SANBR: variants seen among roughly 807,000 people sequenced by gnomAD.
The protein encoded by SANBR is SANT and BTB domain regulator of class switch recombination.
Under a neutral mutation model 101.8 loss-of-function variants are expected in SANBR, and 77 were observed. The observed-to-expected ratio is 0.76, with a 90% CI of 0.63 to 0.91. The LOEUF is 0.91. Among genes scored for constraint, SANBR ranks in the 40% least tolerant of loss-of-function variants. SANBR has a pLI of 0.00. For missense variants in SANBR, 875 were observed against 853.0 expected (o/e 1.03, Z -0.32); for synonymous variants, 279 against 274.7 (o/e 1.02, Z -0.15).
chr2:61,105,570 G>A (rs948312792), intron 13 of SANBR, among the ~76,000 whole-genome samples: 10 of 151,934 alleles, frequency 6.6e-5, no homozygotes, highest in Non-Finnish European at 1.2e-4. Flanking sequence ...GTTTCACCAT[G>A]TTGACTAGGT....
Position 61,115,959 on chromosome 2 carries a change from C to A in SANBR, c.1745-20C>A. The A allele has an allele frequency of 6.6e-7, 1 of 1,521,456 alleles. No individual in the cohort carries two copies. Among genetic ancestry groups the A allele is most frequent in the Non-Finnish European group, 9.0e-7 (1 of 1,106,946 alleles). 94.2% of individuals were successfully genotyped at this position (1,521,456 alleles called of 1,614,324 possible). ...AAGTATATGGGGCCTAAGTTTATAA[C>A]ATTGTCTTCTCATTATCAGGGAAAA... On this transcript the variant is annotated intron_variant, in intron 16 of 21. Transcript: ENST00000402291.
intron 17 of SANBR, among the ~76,000 whole-genome samples, chr2:61,116,531 T>G (rs1178039838): frequency 6.6e-6 from 1 of 152,100 alleles, no homozygotes; most frequent in Non-Finnish European, 1.5e-5. Flanking sequence ...TTTATGATAT[T>G]TAAAAATAAT....
At position 61,077,171 on chromosome 2, in the gene SANBR, C is replaced by T. The variant is rs760323057; in HGVS notation, c.670+13C>T. Reference sequence around the variant, plus strand: ...ATGCCCACTTTAGGTAAAAAACAATCTGTTGCTTAATTTGTAGTGAAATTT... The same window carrying T: ...ATGCCCACTTTAGGTAAAAAACAATTTGTTGCTTAATTTGTAGTGAAATTT... On this transcript the variant is annotated intron_variant, in intron 6 of 21. Coordinates refer to ENST00000402291, the MANE Select transcript of SANBR (RefSeq NM_001129993.3). 6.5e-7 allele frequency: 1 copy of T among 1,541,566 alleles called. No homozygotes were observed. The highest frequency in any genetic ancestry group is 1.1e-5 in the South Asian group (1 of 88,258).
rs779200558 is a variant in SANBR, at chr2:61,115,984, A to G, written c.1750A>G (p.Lys584Glu). The change falls in exon 17 of 22, where the codon AAG (lysine) becomes GAG (glutamate). Residue 584 changes from lysine to glutamate, a missense_variant. Physicochemically the swap from Lys to Glu is moderately conservative, Grantham distance 56. Transcript: ENST00000402291. ...CATTGTCTTCTCATTATCAGGGAAA[A>G]AGGAGAAGCCAAAGAAGTTCACTAG... is the stretch of plus-strand genomic sequence containing the variant. ...EEEVSKKQRK[K>E]EKPKKFTRQP... is the part of the protein sequence containing the mutation. The G allele has an allele frequency of 1.9e-6, 3 of 1,607,274 alleles. No individual in the cohort carries two copies. The highest frequency in any genetic ancestry group is 2.5e-6 in the Non-Finnish European group (3 of 1,176,700).
chr2:61,105,421 C>T (rs1316493570), intron 13 of SANBR, among the ~76,000 whole-genome samples: 3 of 151,650 alleles, frequency 2.0e-5, no homozygotes, highest in East Asian at 2.0e-4. Context: ...GGCTGGAGTG[C>T]GGTGGCACAA....
intron 12 of SANBR, among the ~76,000 whole-genome samples, chr2:61,099,456 C>T (rs569188174): frequency 1.3e-5 from 2 of 152,270 alleles, no homozygotes; most frequent in South Asian, 4.1e-4. Context: ...CTAGTTGGTG[C>T]TACTGGATAG....
chr2:61,100,436 A>T (rs933610463), intron 12 of SANBR, among the ~76,000 whole-genome samples: 3 of 152,102 alleles, frequency 2.0e-5, no homozygotes, highest in African/African-American at 7.2e-5. Flanking sequence ...GAACGTTTTA[A>T]AAGTCAGTGG....
intron 20 of SANBR, among the ~76,000 whole-genome samples, chr2:61,131,776 C>A (rs1272255208): frequency 2.0e-5 from 3 of 152,176 alleles, no homozygotes; most frequent in Non-Finnish European, 4.4e-5. Context: ...TTACACTTTC[C>A]CATTTCCAAT....
At chr2:61,077,693 T>G (rs1681868871) in intron 6 of SANBR, among the ~76,000 whole-genome samples, 1 of 152,186 alleles carries the variant, frequency 6.6e-6, no homozygotes, top group African/African-American at 2.4e-5. Flanking sequence ...AATATACATA[T>G]CTTTACTGTG....
intron 20 of SANBR, among the ~76,000 whole-genome samples, chr2:61,132,406 G>A (rs1416035594): frequency 2.0e-5 from 3 of 152,148 alleles, no homozygotes; most frequent in Admixed American, 6.6e-5. Flanking sequence ...GTCAGTAAGC[G>A]CATGAAAAGT....
At chr2:61,128,783 C>T (rs576657182), downstream of SANBR, among the ~76,000 whole-genome samples, 7 of 152,148 alleles carry the variant, frequency 4.6e-5, no homozygotes, top group South Asian at 8.3e-4. Flanking sequence ...CGTGAGCCAC[C>T]GTGCCTGGCC....
At chr2:61,117,284 T>C (rs1684119359) in intron 17 of SANBR, 73 bp from the exon 18 acceptor site, 13 of 1,374,482 alleles carry the variant, frequency 9.5e-6, no homozygotes, top group Non-Finnish European at 7.3e-6. Flanking sequence ...AGTGAACTCT[T>C]TTTATTACTA....
intron 12 of SANBR, among the ~76,000 whole-genome samples, chr2:61,099,839 A>G (rs940510241): frequency 2.0e-5 from 3 of 152,168 alleles, no homozygotes; most frequent in African/African-American, 7.2e-5. Flanking sequence ...TTAAAGAAAG[A>G]GTGGACTGTG....
chr2:61,110,779 G>T (rs908584759), intron 16 of SANBR, among the ~76,000 whole-genome samples: 1 of 151,418 alleles, frequency 6.6e-6, no homozygotes, highest in African/African-American at 2.4e-5. Flanking sequence ...ACCCAGGAAG[G>T]GGAGGTTGCA....
intron 20 of SANBR, 142 bp from the exon 21 acceptor site, chr2:61,121,043 T>A (rs922230466): frequency 3.4e-6 from 2 of 589,242 alleles, no homozygotes; most frequent in Non-Finnish European, 5.9e-6. Flanking sequence ...TACATTTTTC[T>A]TTATGTAAAT....
intron 6 of SANBR, among the ~76,000 whole-genome samples, chr2:61,080,442 A>T (rs1428608265): frequency 1.3e-5 from 2 of 151,030 alleles, no homozygotes; most frequent in Non-Finnish European, 3.0e-5. Context: ...AAGAGCCTTC[A>T]CCGGGCGTGG....
At chr2:61,086,314 C>T (rs1682426000) in intron 8 of SANBR, among the ~76,000 whole-genome samples, 1 of 151,828 alleles carries the variant, frequency 6.6e-6, no homozygotes, top group African/African-American at 2.4e-5. Context: ...CAAGTGTGAG[C>T]CACCATACCC....
Position 61,115,966 on chromosome 2 carries a change from T to C in SANBR, c.1745-13T>C, listed in dbSNP as rs766346323. ...TGGGGCCTAAGTTTATAACATTGTC[T>C]TCTCATTATCAGGGAAAAAGGAGAA... On this transcript the variant is annotated splice_polypyrimidine_tract_variant and intron_variant, in intron 16 of 21. Coordinates refer to ENST00000402291, the MANE Select transcript of SANBR (RefSeq NM_001129993.3). The C allele has an allele frequency of 1.3e-6, 2 of 1,568,858 alleles. No homozygotes were observed. The highest frequency in any genetic ancestry group is 1.7e-6 in the Non-Finnish European group (2 of 1,146,496).
exon 22 of SANBR, chr2:61,137,565 G>T (rs1684888867): frequency 1.3e-5 from 2 of 152,160 alleles, no homozygotes; most frequent in Non-Finnish European, 2.9e-5. Context: ...AAGCCTTATA[G>T]ATATTTTTTT....
Sources: gnomAD v4.1 joint callset for allele counts (sites outside exome capture counted in the v4.1 genomes callset) on GRCh38, gnomAD v4.1.1 for gene constraint, MANE v1.5 for transcripts, NCBI Gene and HGNC (gene_info 2026-07-23, HGNC 2026-07-21) for gene names.